The following LPP variants were observed in gnomAD, a reference collection of about 807,000 sequenced individuals.
The protein encoded by LPP is lipoma-preferred partner.
A neutral mutation model predicts 60.4 loss-of-function variants in LPP; 38 were observed. The observed-to-expected ratio is 0.63, with a 90% CI of 0.49 to 0.83. LPP has a LOEUF of 0.83. LPP is among the 40% of genes least tolerant of loss of function. The probability of loss-of-function intolerance (pLI) is 0.00; values close to 1 mark genes in which losing one functional copy is unlikely to be tolerated. For synonymous variants in LPP, 328 were observed against 290.8 expected (o/e 1.13, Z -1.30); for missense variants, 902 against 783.6 (o/e 1.15, Z -1.80).
intron 2 of LPP, among the ~76,000 whole-genome samples, chr3:188,330,847 G>C (rs1178160561): frequency 2.0e-5 from 2 of 101,128 alleles, no homozygotes; most frequent in Admixed American, 1.3e-4. Context: ...CAGTAAGTAA[G>C]TAAGTAAGTA....
At chr3:188,753,620 G>GT (rs1013055643) in intron 8 of LPP, among the ~76,000 whole-genome samples, 12 of 120,970 alleles carry the variant, frequency 9.9e-5, no homozygotes, top group Non-Finnish European at 2.0e-4. Context: ...TGTGTGTTTT[G>GT]TTTTTTGTTT....
At chr3:188,783,381 AG>A (rs1333178994) in intron 9 of LPP, among the ~76,000 whole-genome samples, 1 of 152,264 alleles carries the variant, frequency 6.6e-6, no homozygotes, top group Non-Finnish European at 1.5e-5. Context: ...GCCATAAAAA[AG>A]AATGAGATCA....
At chr3:188,665,734 T>A (rs1055453500) in intron 7 of LPP, among the ~76,000 whole-genome samples, 17 of 152,208 alleles carry the variant, frequency 1.1e-4, no homozygotes, top group Admixed American at 5.2e-4. Flanking sequence ...GTGCTGGGAT[T>A]ACAGGCATGA....
intron 8 of LPP, among the ~76,000 whole-genome samples, chr3:188,721,005 G>A (rs1281538781): frequency 6.6e-6 from 1 of 152,176 alleles, no homozygotes; most frequent in Non-Finnish European, 1.5e-5. Flanking sequence ...CAAAGTTACA[G>A]AGGCATTTAG....
chr3:188,417,370 T>C (rs761276765), intron 4 of LPP, among the ~76,000 whole-genome samples: 2 of 151,718 alleles, frequency 1.3e-5, no homozygotes, highest in Non-Finnish European at 2.9e-5. Context: ...GATCTGAGTG[T>C]TGGAGAATGA....
intron 7 of LPP, among the ~76,000 whole-genome samples, chr3:188,645,676 C>T (rs1313050023): frequency 6.6e-6 from 1 of 152,068 alleles, no homozygotes; most frequent in Non-Finnish European, 1.5e-5. Flanking sequence ...GATAAACCTA[C>T]TGAGCCCTTC....
At chr3:188,458,033 T>G (rs1269788392) in intron 4 of LPP, among the ~76,000 whole-genome samples, 1 of 152,198 alleles carries the variant, frequency 6.6e-6, no homozygotes. Flanking sequence ...AGATATTGTA[T>G]TTTTAGTTCA....
At chr3:188,553,778 A>C (rs1205174163) in intron 6 of LPP, 1 of 152,216 alleles carries the variant, frequency 6.6e-6, no homozygotes, top group Admixed American at 6.5e-5. Flanking sequence ...GCAGCTAAAC[A>C]GGATGTTGGC....
chr3:188,492,234 C>T (rs758206888), intron 5 of LPP, among the ~76,000 whole-genome samples: 9 of 152,118 alleles, frequency 5.9e-5, no homozygotes, highest in Non-Finnish European at 1.2e-4. Context: ...ATTTCCTTTG[C>T]TCAAAGTTAA....
At chr3:188,625,267 T>C (rs1242622294) in intron 7 of LPP, among the ~76,000 whole-genome samples, 4 of 152,144 alleles carry the variant, frequency 2.6e-5, no homozygotes, top group Non-Finnish European at 5.9e-5. Context: ...TCTTGCCCAT[T>C]CATAAGAAAA....
At chr3:188,213,961 AACACACACACACACAC>A (rs59389556) in intron 1 of LPP, among the ~76,000 whole-genome samples, 8 of 130,408 alleles carry the variant, frequency 6.1e-5, no homozygotes, top group Non-Finnish European at 1.3e-4. Flanking sequence ...TTAGATTTTA[AACACACACACACACAC>A]ACACACACAC....
intron 9 of LPP, among the ~76,000 whole-genome samples, chr3:188,834,716 C>T (rs1757973869): frequency 6.6e-6 from 1 of 152,186 alleles, no homozygotes; most frequent in Non-Finnish European, 1.5e-5. Context: ...CTCTTTATTT[C>T]TGAAATGAAT....
Position 188,609,236 on chromosome 3 carries a change from C to T in LPP, c.505C>T (p.Gln169Ter). The change falls in exon 7 of 12, where the codon CAA becomes TAA. Residue 169 changes from glutamine to a stop codon, truncating the protein, a stop_gained. Transcript: ENST00000617246. LOFTEE classifies it high-confidence loss of function. The surrounding 1 kb of genome is among the most constrained non-coding windows in gnomAD (Gnocchi z 6.9). ...TGHKRMVIPNQPPLTATKKST... is the reference protein window; with the variant it reads ...TGHKRMVIPN ...ACACAAGAGAATGGTCATCCCGAAC[C>T]AACCCCCTCTAACAGCAACCAAGAA... is the stretch of plus-strand genomic sequence containing the variant. 6.2e-7 allele frequency: 1 copy of T among 1,613,986 alleles called. No individual in the cohort carries two copies. Among genetic ancestry groups the T allele is most frequent in the Non-Finnish European group, 8.5e-7 (1 of 1,179,992 alleles).
intron 2 of LPP, among the ~76,000 whole-genome samples, chr3:188,282,633 T>C (rs1288676446): frequency 2.0e-5 from 3 of 152,146 alleles, no homozygotes. Context: ...AGGCAACCTT[T>C]CTGCCTTCCT....
At chr3:188,833,298 T>A (rs141899366) in intron 9 of LPP, among the ~76,000 whole-genome samples, 2 of 152,324 alleles carry the variant, frequency 1.3e-5, no homozygotes, top group African/African-American at 4.8e-5. Flanking sequence ...ACATTTCAGG[T>A]CTTGCTTCAG....
intron 1 of LPP, among the ~76,000 whole-genome samples, chr3:188,189,453 A>G (rs937500815): frequency 6.6e-6 from 1 of 152,170 alleles, no homozygotes; most frequent in African/African-American, 2.4e-5. Flanking sequence ...TCAGGATATA[A>G]TTGGGGCCAC....
intron 6 of LPP, among the ~76,000 whole-genome samples, chr3:188,581,253 C>T (rs980096621): frequency 1.3e-5 from 2 of 151,830 alleles, no homozygotes; most frequent in Admixed American, 6.6e-5. Flanking sequence ...CCAGCATTGT[C>T]GTTGGAGATG....
chr3:188,663,867 A>G (rs1855162486), intron 7 of LPP, among the ~76,000 whole-genome samples: 1 of 152,140 alleles, frequency 6.6e-6, no homozygotes, highest in Non-Finnish European at 1.5e-5. Context: ...GCAGTTCACA[A>G]TAAGGTTCGC....
chr3:188,539,312 G>T (rs919497419), intron 6 of LPP, among the ~76,000 whole-genome samples: 2 of 152,152 alleles, frequency 1.3e-5, no homozygotes, highest in African/African-American at 2.4e-5. Context: ...GTACTTAAGC[G>T]TACATGGTAA....
Sources: allele counts gnomAD v4.1 joint callset (sites outside exome capture counted in the v4.1 genomes callset), GRCh38; gene constraint gnomAD v4.1.1; non-coding constraint Gnocchi (gnomAD v3.1); transcripts MANE v1.5; gene names NCBI Gene and HGNC (gene_info 2026-07-23, HGNC 2026-07-21).